CFAP299: variants seen among roughly 807,000 people sequenced by gnomAD.
CFAP299 encodes the protein cilia- and flagella-associated protein 299.
In CFAP299, 21 loss-of-function variants were observed where a neutral mutation model predicts 27.0. That is an observed-to-expected ratio of 0.78 (90% CI 0.55 to 1.12). CFAP299 has a LOEUF of 1.12. Among genes scored for constraint, CFAP299 ranks in the 50% most tolerant of loss-of-function variants. The pLI is 0.00. For missense variants in CFAP299, 310 were observed against 276.6 expected, an observed-to-expected ratio of 1.12 and a Z score of -0.86; for synonymous variants, 104 against 98.1, an observed-to-expected ratio of 1.06 and a Z score of -0.36.
chr4:80,648,664 A>C (rs1412258038), intron 3 of CFAP299, among the ~76,000 whole-genome samples: 1 of 152,212 alleles, frequency 6.6e-6, no homozygotes, highest in African/African-American at 2.4e-5. Flanking sequence ...ATTGAGAAAT[A>C]AGTAAAAATA....
intron 2 of CFAP299, among the ~76,000 whole-genome samples, chr4:80,508,700 A>G (rs1017677270): frequency 2.8e-4 from 43 of 152,174 alleles, no homozygotes; most frequent in African/African-American, 9.9e-4. Context: ...CTGGGACTCC[A>G]GGAGTGCACC....
At chr4:80,714,430 C>T (rs1410009894) in intron 3 of CFAP299, among the ~76,000 whole-genome samples, 4 of 152,064 alleles carry the variant, frequency 2.6e-5, no homozygotes, top group African/African-American at 9.7e-5. Flanking sequence ...GGGTAAAGGA[C>T]AAAGTACCCA....
At chr4:80,621,484 C>T (rs911533477) in intron 3 of CFAP299, among the ~76,000 whole-genome samples, 2 of 151,932 alleles carry the variant, frequency 1.3e-5, no homozygotes, top group Non-Finnish European at 2.9e-5. Context: ...TTTGCACACT[C>T]TTCTGACACA....
At chr4:80,638,235 T>C (rs1277385910) in intron 3 of CFAP299, among the ~76,000 whole-genome samples, 1 of 152,180 alleles carries the variant, frequency 6.6e-6, no homozygotes, top group East Asian at 1.9e-4. Context: ...CTGATCCCCC[T>C]ACTTGGAGAA....
intron 5 of CFAP299, among the ~76,000 whole-genome samples, chr4:80,949,109 T>A (rs932672756): frequency 1.3e-5 from 2 of 152,196 alleles, no homozygotes; most frequent in African/African-American, 2.4e-5. Flanking sequence ...AATTAGAACA[T>A]GATTTTGATT....
At chr4:80,785,786 T>C (rs1727215975) in intron 3 of CFAP299, among the ~76,000 whole-genome samples, 1 of 152,116 alleles carries the variant, frequency 6.6e-6, no homozygotes, top group Admixed American at 6.5e-5. Flanking sequence ...TTTTTCCCAA[T>C]GGTTACTGAG....
At chr4:80,850,048 A>T (rs1319987710) in intron 3 of CFAP299, among the ~76,000 whole-genome samples, 1 of 152,152 alleles carries the variant, frequency 6.6e-6, no homozygotes. Flanking sequence ...GAGGTAAAAA[A>T]GTCAAAACAA....
intron 2 of CFAP299, among the ~76,000 whole-genome samples, chr4:80,491,507 A>AT (rs1190711405): frequency 1.3e-5 from 2 of 152,096 alleles, no homozygotes; most frequent in Non-Finnish European, 2.9e-5. Flanking sequence ...ATTTAAAGGA[A>AT]TTTTTTGTTG....
intron 2 of CFAP299, among the ~76,000 whole-genome samples, chr4:80,389,685 T>G (rs1353497384): frequency 3.9e-5 from 6 of 152,230 alleles, no homozygotes; most frequent in African/African-American, 7.2e-5. Flanking sequence ...CCACATTGGC[T>G]AACCGAGTTC....
intron 4 of CFAP299, among the ~76,000 whole-genome samples, chr4:80,916,295 A>ATTTT (rs1553906005): frequency 2.4e-5 from 3 of 125,568 alleles, no homozygotes; most frequent in African/African-American, 9.5e-5. Context: ...ATATATATAT[A>ATTTT]TTTCAGGTAC....
chr4:80,844,924 T>A (rs1731087288), intron 3 of CFAP299, among the ~76,000 whole-genome samples: 1 of 152,178 alleles, frequency 6.6e-6, no homozygotes, highest in South Asian at 2.1e-4. Context: ...CTTGAATTAA[T>A]TTTTGTATAA....
At chr4:80,565,087 A>G (rs1044916600) in intron 2 of CFAP299, among the ~76,000 whole-genome samples, 1 of 152,038 alleles carries the variant, frequency 6.6e-6, no homozygotes, top group African/African-American at 2.4e-5. Context: ...ATAATATTGA[A>G]CACAATAAAA....
intron 3 of CFAP299, among the ~76,000 whole-genome samples, chr4:80,624,258 GA>G (rs1446179072): frequency 6.6e-6 from 1 of 151,676 alleles, no homozygotes; most frequent in Admixed American, 6.6e-5. Flanking sequence ...ACAAAATGAA[GA>G]AAACAGTATT....
intron 2 of CFAP299, among the ~76,000 whole-genome samples, chr4:80,530,891 G>A (rs187836311): frequency 5.3e-5 from 8 of 152,300 alleles, no homozygotes; most frequent in Admixed American, 4.6e-4. Flanking sequence ...AAGAGAGCTG[G>A]TAGGAAATGA....
intron 2 of CFAP299, among the ~76,000 whole-genome samples, chr4:80,497,611 A>G (rs2110147133): frequency 6.6e-6 from 1 of 152,222 alleles, no homozygotes; most frequent in South Asian, 2.1e-4. Context: ...TTTTTACCCT[A>G]CATTTTTTGC....
chr4:80,950,733 T>C (rs558800842), intron 5 of CFAP299, among the ~76,000 whole-genome samples: 15 of 152,284 alleles, frequency 9.9e-5, no homozygotes, highest in Admixed American at 9.2e-4. Context: ...GAATATATGA[T>C]GCCTGACCTC....
chr4:80,476,056 G>T (rs1730259440), intron 2 of CFAP299, among the ~76,000 whole-genome samples: 1 of 152,156 alleles, frequency 6.6e-6, no homozygotes, highest in African/African-American at 2.4e-5. Context: ...TAATAATGCT[G>T]TCTCTCCTGC....
chr4:80,444,790 G>A (rs1004221213), intron 2 of CFAP299, among the ~76,000 whole-genome samples: 1 of 151,840 alleles, frequency 6.6e-6, no homozygotes, highest in Non-Finnish European at 1.5e-5. Context: ...CTGACAAAGG[G>A]TTAATATCCA....
intron 2 of CFAP299, among the ~76,000 whole-genome samples, chr4:80,431,314 CCT>C (rs1727803145): frequency 6.6e-6 from 1 of 151,784 alleles, no homozygotes; most frequent in African/African-American, 2.4e-5. Flanking sequence ...TTCCTCATTC[CCT>C]CTCTCTGTTC....
Sources: allele counts gnomAD v4.1 joint callset (sites outside exome capture counted in the v4.1 genomes callset), GRCh38; gene constraint gnomAD v4.1.1; transcripts MANE v1.5; gene names NCBI Gene and HGNC (gene_info 2026-07-23, HGNC 2026-07-21).